The following CCDC186 variants were observed in gnomAD, a reference collection of about 807,000 sequenced individuals.
CCDC186 encodes coiled-coil domain-containing protein 186.
A neutral mutation model predicts 113.7 loss-of-function variants in CCDC186; 49 were observed. That is an observed-to-expected ratio of 0.43 (90% CI 0.34 to 0.55). The LOEUF (loss-of-function observed/expected upper bound fraction) is 0.55. CCDC186 is among the 20% of genes least tolerant of loss of function. CCDC186 has a pLI of 0.02. For synonymous variants in CCDC186, 355 were observed against 345.8 expected (o/e 1.03, Z -0.30); for missense variants, 890 against 1,011.1 (o/e 0.88, Z 1.62).
At position 114,163,346 on chromosome 10, in the gene CCDC186, T is replaced by C; in HGVS notation, c.-61-17A>G. On this transcript the variant is annotated splice_polypyrimidine_tract_variant and intron_variant, in intron 1 of 15. Coordinates refer to ENST00000369287, the MANE Select transcript of CCDC186 (RefSeq NM_018017.4). ...GTTTTACATCTAAGAAATTGAAACA[T>C]CAAAATTAAAAACCACTTTAAACCA... The C allele has an allele frequency of 1.3e-6, 2 of 1,529,194 alleles. No homozygotes were observed. The highest frequency in any genetic ancestry group is 1.7e-6 in the Non-Finnish European group (2 of 1,150,256). The allele number at this position is 1,529,194 out of a possible 1,614,324, so 94.7% of individuals were successfully genotyped here. A position where few individuals can be genotyped will look rare whatever the true frequency, so the allele number is the denominator to read the frequency against.
intron 6 of CCDC186, among the ~76,000 whole-genome samples, chr10:114,140,081 A>G (rs569149234): frequency 1.3e-5 from 2 of 152,372 alleles, no homozygotes; most frequent in South Asian, 2.1e-4. Context: ...ATACTGTATA[A>G]GAAAACAAAC....
intron 1 of CCDC186, among the ~76,000 whole-genome samples, chr10:114,164,065 A>AGTGTGTGTGTGTGTGTGTGTGT (rs747232906): frequency 7.8e-4 from 83 of 107,036 alleles, no homozygotes; most frequent in Non-Finnish European, 1.1e-3. Flanking sequence ...ACCAAGTTAG[A>AGTGTGTGTGTGTGTGTGTGTGT]GTGTGTGTGT....
intron 6 of CCDC186, among the ~76,000 whole-genome samples, chr10:114,144,045 T>C (rs948683343): frequency 1.3e-5 from 2 of 152,002 alleles, no homozygotes; most frequent in Admixed American, 1.3e-4. Context: ...CTTTATATTA[T>C]ATTTAAATAA....
At position 114,124,856 on chromosome 10, in the gene CCDC186, T is replaced by C. The variant is rs1020931859; in HGVS notation, c.*287A>G. 1 of 286,646 alleles carries C rather than the reference T, an allele frequency of 3.5e-6. No individual in the cohort carries two copies. Among genetic ancestry groups the C allele is most frequent in the African/African-American group, 2.2e-5 (1 of 46,252 alleles). The allele number at this position is 286,646 out of a possible 1,614,324, so 17.8% of individuals were successfully genotyped here. A position where few individuals can be genotyped will look rare whatever the true frequency, so the allele number is the denominator to read the frequency against. ...AACAAAGGGTTTTTTATAAAAGCCC[T>C]TGTAATGTTCAACACTTCTTATGAA... On this transcript the variant is annotated 3_prime_UTR_variant, in exon 16 of 16. Transcript: ENST00000369287.
rs150467837 is a variant in CCDC186, at chr10:114,166,036, C to T, written c.-61-2707G>A. The T allele has an allele frequency of 8.0e-5, 47 of 584,076 alleles. 1 individual carries two copies. The East Asian group carries it at 2.4e-3, about 30-fold the overall frequency. 36.2% of individuals were successfully genotyped at this position (584,076 alleles called of 1,614,324 possible). A position where few individuals can be genotyped will look rare whatever the true frequency, so the allele number is the denominator to read the frequency against. On this transcript the variant is annotated intron_variant, in intron 1 of 15. Coordinates refer to ENST00000369287, the MANE Select transcript of CCDC186 (RefSeq NM_018017.4). ...AGTTTTTTGTAGTAACCAAAAGTGG[C>T]GGCAAAGTTACATCGGACCAAGGGA...
intron 10 of CCDC186, among the ~76,000 whole-genome samples, chr10:114,133,955 G>T (rs938555274): frequency 6.6e-6 from 1 of 152,268 alleles, no homozygotes; most frequent in Non-Finnish European, 1.5e-5. Flanking sequence ...AAAAGAAAGT[G>T]GAGAAAGGTA....
chr10:114,137,518 T>G (rs2119728971), intron 6 of CCDC186, among the ~76,000 whole-genome samples: 1 of 152,364 alleles, frequency 6.6e-6, no homozygotes, highest in East Asian at 1.9e-4. Flanking sequence ...TTACTAGAAG[T>G]TACTAACCTG....
At position 114,157,642 on chromosome 10, in the gene CCDC186, A is replaced by G. The variant is rs1468233386; in HGVS notation, c.671T>C (p.Val224Ala). ...KENKKHQELFVDICSEKDNLR... is the reference protein window; with the variant it reads ...KENKKHQELFADICSEKDNLR... ...ATTGTCTTTTTCTGAACAAATGTCT[A>G]CGAAGAGCTCCTGATGCTTCTTATT... Residue 224 changes from valine to alanine, a missense_variant, in exon 3 of 16, where the codon GTA becomes GCA. Val to Ala is a moderately conservative substitution (Grantham distance 64). Transcript: ENST00000369287. 3.1e-6 allele frequency: 5 copies of G among 1,606,580 alleles called. No homozygotes were observed. Among genetic ancestry groups the G allele is most frequent in the East Asian group, 2.2e-5 (1 of 44,776 alleles).
chr10:114,134,399 A>G (rs978592239), intron 10 of CCDC186, among the ~76,000 whole-genome samples: 1 of 152,198 alleles, frequency 6.6e-6, no homozygotes. Context: ...AAATGATGGT[A>G]AGGATTTTTT....
intron 5 of CCDC186, among the ~76,000 whole-genome samples, chr10:114,145,286 T>C (rs1267417856): frequency 1.3e-5 from 2 of 152,054 alleles, no homozygotes; most frequent in African/African-American, 2.4e-5. Context: ...TAAAAGAAAG[T>C]TTTTAGAAAG....
chr10:114,169,258 T>TTCC (rs1554931679), intron 1 of CCDC186, among the ~76,000 whole-genome samples: 262 of 137,908 alleles, frequency 1.9e-3, no homozygotes, highest in African/African-American at 6.4e-3. Flanking sequence ...TTTTTTTTTT[T>TTCC]CTTAAAAATG....
chr10:114,127,994 T>C (rs2030962539), intron 13 of CCDC186, among the ~76,000 whole-genome samples: 1 of 151,744 alleles, frequency 6.6e-6, no homozygotes, highest in Non-Finnish European at 1.5e-5. Context: ...GGAACAGAGG[T>C]ATGAGAGGAG....
chr10:114,142,020 T>G lies in CCDC186; in HGVS notation c.1221+2477A>C, dbSNP rs1325826962. On this transcript the variant is annotated intron_variant, in intron 6 of 15. Coordinates refer to ENST00000369287, the MANE Select transcript of CCDC186 (RefSeq NM_018017.4). ...CAATATAGTCAATAGAATACAGTTA[T>G]AGAACACTACAGTTATAGAACATAG... 2.6e-5 allele frequency among the ~76,000 whole-genome samples: 4 copies of G among 152,176 alleles called. No homozygotes were observed. The East Asian group carries it at 7.7e-4, about 29-fold the overall frequency.
intron 15 of CCDC186, 39 bp downstream of exon 15, chr10:114,125,847 A>C (rs1214355959): frequency 6.4e-7 from 1 of 1,554,832 alleles, no homozygotes; most frequent in Admixed American, 1.7e-5. Flanking sequence ...TCATTTTGCC[A>C]TGTTTACTGG....
intron 3 of CCDC186, among the ~76,000 whole-genome samples, chr10:114,154,227 A>G (rs1268238338): frequency 6.8e-6 from 1 of 147,796 alleles, no homozygotes; most frequent in African/African-American, 2.5e-5. Context: ...AAAAAAAAAA[A>G]GAAAAGAAAA....
chr10:114,170,990 C>G (rs1467039392), intron 1 of CCDC186, among the ~76,000 whole-genome samples: 1 of 152,090 alleles, frequency 6.6e-6, no homozygotes, highest in Non-Finnish European at 1.5e-5. Flanking sequence ...TTCACCTTAT[C>G]AAGTTACACC....
chr10:114,135,897 T>C lies in CCDC186; in HGVS notation c.1506A>G (p.Arg502=). The change falls in exon 9 of 16, where the codon AGA becomes AGG. Residue 502 remains arginine, a synonymous_variant. Transcript: ENST00000369287. The part of the protein sequence containing the change: ...KEGMDELRTL[R]TKVKCLEDER... ...TGACTAAAGACTGAATTACCTTTGT[T>C]CTCAGTGTTCTTAACTCATCCATAC... 6.2e-7 allele frequency: 1 copy of C among 1,606,310 alleles called. No individual in the cohort carries two copies. The highest frequency in any genetic ancestry group is 2.2e-5 in the East Asian group (1 of 44,728).
rs145151603 is a variant in CCDC186 at position 114,126,087 on chromosome 10, A to C, written c.2412T>G (p.Ile804Met). ...AAAGTGTGCCTGATTCTTCTCGTAAAATATAACTTTGAATTATTCTGCAAA... is the reference window on the plus strand; with the variant it reads ...AAAGTGTGCCTGATTCTTCTCGTAACATATAACTTTGAATTATTCTGCAAA... ...RKKTKIIQSY[I>M]LREESGTLSS... Residue 804 changes from isoleucine to methionine, a missense_variant, in exon 15 of 16, where the codon ATT (isoleucine) becomes ATG (methionine). Coordinates refer to ENST00000369287, the MANE Select transcript of CCDC186 (RefSeq NM_018017.4). 6.8e-6 allele frequency: 11 copies of C among 1,613,804 alleles called. No homozygotes were observed. Among genetic ancestry groups the C allele is most frequent in the Middle Eastern group, 1.6e-4 (1 of 6,062 alleles).
intron 4 of CCDC186, among the ~76,000 whole-genome samples, chr10:114,146,941 T>C (rs988992370): frequency 6.6e-6 from 1 of 152,196 alleles, no homozygotes; most frequent in African/African-American, 2.4e-5. Context: ...CATACACATA[T>C]AAGTAATTTT....
Sources: gnomAD v4.1 joint callset for allele counts (sites outside exome capture counted in the v4.1 genomes callset) on GRCh38, gnomAD v4.1.1 for gene constraint, MANE v1.5 for transcripts, NCBI Gene and HGNC (gene_info 2026-07-23, HGNC 2026-07-21) for gene names.